Variants in GALNT11 observed in about 807,000 individuals in gnomAD.
The protein encoded by GALNT11 is polypeptide N-acetylgalactosaminyltransferase 11.
A neutral mutation model predicts 72.7 loss-of-function variants in GALNT11; 47 were observed. That is an observed-to-expected ratio of 0.65 (90% CI 0.51 to 0.82). The LOEUF (loss-of-function observed/expected upper bound fraction) is 0.82. Among genes scored for constraint, GALNT11 ranks in the 40% least tolerant of loss-of-function variants. GALNT11 has a pLI of 0.00. For missense variants in GALNT11, 677 were observed against 778.4 expected (o/e 0.87, Z 1.55); for synonymous variants, 270 against 286.6 (o/e 0.94, Z 0.58).
chr7:152,067,157 T>G (rs1033100999), intron 1 of GALNT11, among the ~76,000 whole-genome samples: 1 of 152,224 alleles, frequency 6.6e-6, no homozygotes, highest in Non-Finnish European at 1.5e-5. Flanking sequence ...GGAGGAAGAC[T>G]ACAGAGGTCA....
rs781733033 is a variant in GALNT11, at chr7:152,103,105, T to G, written c.420-7T>G. On this transcript the variant is annotated splice_polypyrimidine_tract_variant and splice_region_variant and intron_variant, in intron 3 of 11. Coordinates refer to ENST00000430044, the MANE Select transcript of GALNT11 (RefSeq NM_022087.4). Reference sequence around the variant, plus strand: ...ATGTCAGAATTTCCTCATCTTTATCTTTACAGATGTAAAGAAAAGTTCTAC... The same window carrying G: ...ATGTCAGAATTTCCTCATCTTTATCGTTACAGATGTAAAGAAAAGTTCTAC... The G allele has an allele frequency of 1.3e-6, 2 of 1,591,662 alleles. No individual in the cohort carries two copies. The highest frequency in any genetic ancestry group is 3.3e-5 in the Admixed American group (2 of 59,714).
intron 1 of GALNT11, among the ~76,000 whole-genome samples, chr7:152,055,958 C>T (rs183918495): frequency 2.6e-5 from 4 of 152,178 alleles, no homozygotes; most frequent in East Asian, 1.9e-4. Flanking sequence ...AGAATATTGA[C>T]GTCCTACACC....
intron 3 of GALNT11, 74 bp downstream of exon 3, chr7:152,100,995 G>A (rs367881769): frequency 6.4e-7 from 1 of 1,559,922 alleles, no homozygotes; most frequent in Non-Finnish European, 8.7e-7. Flanking sequence ...GAGGTCACGA[G>A]GACGGGGTTC....
chr7:152,054,798 C>T (rs185556189), intron 1 of GALNT11, among the ~76,000 whole-genome samples: 33 of 152,074 alleles, frequency 2.2e-4, no homozygotes, highest in Non-Finnish European at 4.1e-4. Flanking sequence ...GGACTACAGG[C>T]GTGAGCCACT....
rs370565628 is a variant in GALNT11 at position 152,030,902 on chromosome 7, G to T, written c.-39+5018G>T. On this transcript the variant is annotated intron_variant, in intron 1 of 11. Coordinates refer to ENST00000430044, the MANE Select transcript of GALNT11 (RefSeq NM_022087.4). ...GCTGCTGTTCTCCCCTCTCCTTCCC[G>T]TTTTGATGGCTTTGGCAGTGTAAGA... is the stretch of plus-strand genomic sequence containing the variant. 8.0e-4 allele frequency among the ~76,000 whole-genome samples: 122 copies of T among 151,952 alleles called. 1 individual carries two copies. The highest frequency in any genetic ancestry group is 2.8e-3 in the African/African-American group (116 of 41,422).
chr7:152,079,204 G>A (rs2129017916), intron 1 of GALNT11: 1 of 152,222 alleles, frequency 6.6e-6, no homozygotes. Context: ...CATAGAATTA[G>A]GAGGTAGAAA....
chr7:152,115,809 C>T (rs1211049928), intron 8 of GALNT11, among the ~76,000 whole-genome samples: 1 of 152,200 alleles, frequency 6.6e-6, no homozygotes, highest in African/African-American at 2.4e-5. Flanking sequence ...GTAATCCCAG[C>T]ACTTTGCGAG....
intron 1 of GALNT11, among the ~76,000 whole-genome samples, chr7:152,066,921 C>T (rs10233255): frequency 2.6e-5 from 4 of 152,094 alleles, no homozygotes; most frequent in East Asian, 1.9e-4. Context: ...CCTGAGTATT[C>T]GCAAAACGTA....
intron 1 of GALNT11, among the ~76,000 whole-genome samples, chr7:152,050,094 G>T (rs1017964147): frequency 3.9e-5 from 6 of 152,040 alleles, no homozygotes; most frequent in Non-Finnish European, 7.4e-5. Context: ...CCCGCTTGGT[G>T]CTCTACCCCA....
At position 152,108,133 on chromosome 7, in the gene GALNT11, G is replaced by C; in HGVS notation, c.808G>C (p.Val270Leu). ...CATCCGTGAGGACCGGCACACCGTG[G>C]TGTGCCCAGTGATTGACATCATCAG... is the stretch of plus-strand genomic sequence containing the variant. The part of the protein sequence containing the change: ...AAIREDRHTV[V>L]CPVIDIISAD... The change falls in exon 6 of 12, where the codon GTG becomes CTG. Residue 270 changes from valine to leucine, a missense_variant. Coordinates refer to ENST00000430044, the MANE Select transcript of GALNT11 (RefSeq NM_022087.4). 6.2e-7 allele frequency: 1 copy of C among 1,614,116 alleles called. No individual in the cohort carries two copies. Among genetic ancestry groups the C allele is most frequent in the Non-Finnish European group, 8.5e-7 (1 of 1,180,024 alleles).
At chr7:152,036,241 C>T (rs2082572919) in intron 1 of GALNT11, among the ~76,000 whole-genome samples, 1 of 152,092 alleles carries the variant, frequency 6.6e-6, no homozygotes, top group African/African-American at 2.4e-5. Flanking sequence ...TCTCCCCTCA[C>T]TCCCTTCTCA....
chr7:152,113,672 G>A (rs1323065304), intron 8 of GALNT11, among the ~76,000 whole-genome samples: 3 of 139,080 alleles, frequency 2.2e-5, no homozygotes, highest in Non-Finnish European at 3.1e-5. Flanking sequence ...TCTTTATTCC[G>A]TCTGGTCTCT....
chr7:152,094,150 G>A lies in GALNT11; in HGVS notation c.-38-40G>A. 2.0e-6 allele frequency: 3 copies of A among 1,471,808 alleles called. No individual in the cohort carries two copies. The highest frequency in any genetic ancestry group is 2.7e-6 in the Non-Finnish European group (3 of 1,092,988). 91.2% of individuals were successfully genotyped at this position (1,471,808 alleles called of 1,614,324 possible). ...TTCTGTATTTGGTGGATGGTTTAAA[G>A]TATACTGAAGTGTCTAACATATTTA... On this transcript the variant is annotated intron_variant, in intron 1 of 11. Coordinates refer to ENST00000430044, the MANE Select transcript of GALNT11 (RefSeq NM_022087.4). This position sits in a 1 kb window ranked among gnomAD's most constrained non-coding sequence, Gnocchi z 4.3.
At chr7:152,103,066 T>C (rs756058364) in intron 3 of GALNT11, 46 bp from the exon 4 acceptor site, 2 of 1,545,424 alleles carry the variant, frequency 1.3e-6, no homozygotes, top group Non-Finnish European at 1.8e-6. Context: ...TCTAAACCAT[T>C]CGAGCCTTTT....
At chr7:152,076,061 CAAAAAAAAA>C (rs71198757) in intron 1 of GALNT11, among the ~76,000 whole-genome samples, 18 of 71,324 alleles carry the variant, frequency 2.5e-4, no homozygotes, top group Middle Eastern at 0.011. Flanking sequence ...GACTCCGTCT[CAAAAAAAAA>C]AAAAAAAAAA....
At chr7:152,096,917 T>G (rs906163415) in intron 2 of GALNT11, among the ~76,000 whole-genome samples, 1 of 152,174 alleles carries the variant, frequency 6.6e-6, no homozygotes, top group Non-Finnish European at 1.5e-5. Context: ...AGCCTCAATC[T>G]CCTTGGCTCG....
chr7:152,120,988 GT>G lies in GALNT11; in HGVS notation c.1695+22del. Reference sequence around the variant, plus strand: ...TTTGGGGTGAGGAGTGCTCGGTGATGTTGGGAGAATGCGCAGAGGCCCACAA... The same window carrying G: ...TTTGGGGTGAGGAGTGCTCGGTGATGTGGGAGAATGCGCAGAGGCCCACAA... On this transcript the variant is annotated intron_variant, in intron 11 of 11. Coordinates refer to ENST00000430044, the MANE Select transcript of GALNT11 (RefSeq NM_022087.4). 1 of 1,607,162 alleles carries G rather than the reference GT, an allele frequency of 6.2e-7. No homozygotes were observed. Among genetic ancestry groups the G allele is most frequent in the Non-Finnish European group, 8.5e-7 (1 of 1,177,544 alleles).
intron 4 of GALNT11, chr7:152,103,554 A>G (rs1275904949): frequency 3.0e-6 from 1 of 338,340 alleles, no homozygotes; most frequent in African/African-American, 2.0e-5. Flanking sequence ...GTTCACAGGA[A>G]GTTACAAAGA....
chr7:152,121,654 CA>C lies in GALNT11; in HGVS notation c.1805del (p.Gln602ArgfsTer30). On this transcript the variant is annotated frameshift_variant, in exon 12 of 12. Transcript: ENST00000430044. LOFTEE classifies it high-confidence loss of function. Reference protein sequence around the residue: ...AMAICDGSSSQQWHLEG With the variant: ...AMAICDGSSSXQWHLEG ...GGCGATCTGCGATGGCTCCTCTTCA[CA>C]GCAGTGGCATTTGGAAGGTTAAGGT... The C allele has an allele frequency of 6.2e-7, 1 of 1,614,122 alleles. No individual in the cohort carries two copies. Among genetic ancestry groups the C allele is most frequent in the Non-Finnish European group, 8.5e-7 (1 of 1,179,994 alleles).
Sources: gnomAD v4.1 joint callset for allele counts (sites outside exome capture counted in the v4.1 genomes callset) on GRCh38, gnomAD v4.1.1 for gene constraint, Gnocchi (gnomAD v3.1) non-coding constraint, MANE v1.5 for transcripts, NCBI Gene and HGNC (gene_info 2026-07-23, HGNC 2026-07-21) for gene names.